Variants in TMX2 observed in about 807,000 individuals in gnomAD.
The protein encoded by TMX2 is thioredoxin-related transmembrane protein 2.
In TMX2, 20 loss-of-function variants were observed where a neutral mutation model predicts 33.4. The ratio of observed to expected loss-of-function variants is 0.60; its 90% CI spans 0.42 to 0.87. The LOEUF is 0.87. Ranked by LOEUF, TMX2 falls within the 40% of genes least tolerant of loss-of-function variation. The probability of loss-of-function intolerance (pLI) is 0.00; values close to 1 mark genes in which losing one functional copy is unlikely to be tolerated. For synonymous variants in TMX2, 166 were observed against 140.7 expected, an observed-to-expected ratio of 1.18 and a Z score of -1.27; for missense variants, 340 against 370.7, an observed-to-expected ratio of 0.92 and a Z score of 0.68.
intron 1 of TMX2, among the ~76,000 whole-genome samples, chr11:57,714,626 C>G (rs1946857841): frequency 6.6e-6 from 1 of 151,928 alleles, no homozygotes; most frequent in African/African-American, 2.4e-5. Context: ...CAAGGTCTTG[C>G]TCTGTCATCC....
chr11:57,740,117 T>C lies in TMX2; in HGVS notation c.763T>C (p.Phe255Leu). 8.7e-6 allele frequency: 14 copies of C among 1,613,956 alleles called. No homozygotes were observed. The highest frequency in any genetic ancestry group is 1.2e-5 in the Non-Finnish European group (14 of 1,179,866). The change falls in exon 8 of 8, where the codon TTT becomes CTT. Residue 255 changes from phenylalanine to leucine, a missense_variant. Coordinates refer to ENST00000278422, the MANE Select transcript of TMX2 (RefSeq NM_015959.4). Reference sequence around the variant, plus strand: ...TGTGCAGGAGAATGTGATCCGAGAATTTAACTTAAATGAGCTATACCAGCG... The same window carrying C: ...TGTGCAGGAGAATGTGATCCGAGAACTTAACTTAAATGAGCTATACCAGCG... The part of the protein sequence containing the change: ...TFSEENVIRE[F>L]NLNELYQRAK...
Position 57,712,594 on chromosome 11 carries a change from A to G in TMX2, c.-25A>G. On this transcript the variant is annotated 5_prime_UTR_variant, in exon 1 of 8. Transcript: ENST00000278422. Reference sequence around the variant, plus strand: ...CGGGGCGAGACCTACGACGCCGGCGAGCAGTGGCCGTTACGGCCGAAAAGA... The same window carrying G: ...CGGGGCGAGACCTACGACGCCGGCGGGCAGTGGCCGTTACGGCCGAAAAGA... The G allele has an allele frequency of 6.3e-7, 1 of 1,581,052 alleles. No individual in the cohort carries two copies. Among genetic ancestry groups the G allele is most frequent in the Non-Finnish European group, 8.6e-7 (1 of 1,159,890 alleles).
At chr11:57,717,190 C>G (rs980305192) in intron 1 of TMX2, among the ~76,000 whole-genome samples, 1 of 151,610 alleles carries the variant, frequency 6.6e-6, no homozygotes, top group Non-Finnish European at 1.5e-5. Flanking sequence ...GGGATGGCGG[C>G]CGGGCAGAGA....
At chr11:57,726,960 G>A (rs1355321741) in intron 1 of TMX2, among the ~76,000 whole-genome samples, 2 of 152,128 alleles carry the variant, frequency 1.3e-5, no homozygotes, top group African/African-American at 4.8e-5. Context: ...TGCATGCAGG[G>A]TTTTTCCTGG....
At chr11:57,725,763 A>C (rs1011054434) in intron 1 of TMX2, among the ~76,000 whole-genome samples, 3 of 151,960 alleles carry the variant, frequency 2.0e-5, no homozygotes, top group African/African-American at 7.2e-5. Context: ...GTCAAGATTA[A>C]ACCCTCCAAA....
intron 1 of TMX2, among the ~76,000 whole-genome samples, chr11:57,726,308 G>A (rs939952458): frequency 6.6e-6 from 1 of 152,038 alleles, no homozygotes; most frequent in Non-Finnish European, 1.5e-5. Context: ...AGCTACTCAG[G>A]AGGCTGAGGT....
At chr11:57,728,087 C>T (rs1420334667) in intron 1 of TMX2, among the ~76,000 whole-genome samples, 2 of 152,216 alleles carry the variant, frequency 1.3e-5, no homozygotes, top group African/African-American at 2.4e-5. Context: ...TTCTCAGGAC[C>T]TCCTGAGGGC....
intron 1 of TMX2, 148 bp from the exon 2 acceptor site, chr11:57,737,460 C>T (rs193252187): frequency 3.0e-6 from 2 of 655,754 alleles, no homozygotes; most frequent in Admixed American, 2.5e-5. Context: ...GATGTTTATC[C>T]CCGTACACCT....
At chr11:57,720,885 G>C (rs1947584116) in intron 1 of TMX2, among the ~76,000 whole-genome samples, 1 of 152,202 alleles carries the variant, frequency 6.6e-6, no homozygotes, top group Non-Finnish European at 1.5e-5. Flanking sequence ...CAAGCAGTTT[G>C]AGTGTACAAA....
At chr11:57,718,159 G>T (rs1947305558) in intron 1 of TMX2, 2 of 1,226,012 alleles carry the variant, frequency 1.6e-6, no homozygotes, top group Non-Finnish European at 2.4e-6. Flanking sequence ...AAGACCACAT[G>T]CTTGCCATCC....
At chr11:57,737,558 G>C in intron 1 of TMX2, 50 bp from the exon 2 acceptor site, 1 of 1,517,244 alleles carries the variant, frequency 6.6e-7, no homozygotes, top group Non-Finnish European at 9.2e-7. Context: ...TCCCACCTAA[G>C]TTAGCTCTAG....
intron 2 of TMX2, 106 bp from the exon 3 acceptor site, chr11:57,737,807 C>G: frequency 6.2e-7 from 1 of 1,605,910 alleles, no homozygotes; most frequent in South Asian, 1.1e-5. Context: ...ACTTGGACTT[C>G]TATCCCCTCC....
rs376990321 is a variant in TMX2, at chr11:57,712,783, C to T, written c.165C>T (p.Asp55=). The change falls in exon 1 of 8, where the codon GAC becomes GAT. Residue 55 remains aspartate, a synonymous_variant. Transcript: ENST00000278422. ...ACGGTCTGCCCACCCAACGCGAAGA[C>T]GGTAACCCGTGTGACTTTGACTGGG... ...LCHGLPTQRE[D]GNPCDFDWRE... The T allele has an allele frequency of 1.2e-6, 2 of 1,613,978 alleles. No individual in the cohort carries two copies. Among genetic ancestry groups the T allele is most frequent in the Non-Finnish European group, 1.7e-6 (2 of 1,180,034 alleles).
chr11:57,717,729 AGAGGGGAGAG>A (rs1947260068), intron 1 of TMX2, among the ~76,000 whole-genome samples: 2 of 58,794 alleles, frequency 3.4e-5, no homozygotes, highest in Non-Finnish European at 5.8e-5. Flanking sequence ...GGGAGAGGGG[AGAGGGGAGAG>A]GGGAGAGGGG....
chr11:57,731,125 G>GTTTTTTTTT (rs757832822), intron 1 of TMX2, among the ~76,000 whole-genome samples: 29 of 85,842 alleles, frequency 3.4e-4, no homozygotes, highest in East Asian at 1.7e-3. Context: ...TTTGTTTTTT[G>GTTTTTTTTT]TTTTTTTTTT....
chr11:57,724,611 TAA>T (rs373663466), intron 1 of TMX2, among the ~76,000 whole-genome samples: 157 of 133,176 alleles, frequency 1.2e-3, no homozygotes, highest in Admixed American at 1.2e-3. Flanking sequence ...GTCTGGGGAT[TAA>T]AAAAAAAAAA....
intron 1 of TMX2, among the ~76,000 whole-genome samples, chr11:57,734,621 G>A (rs944052933): frequency 6.6e-6 from 1 of 151,632 alleles, no homozygotes; most frequent in Non-Finnish European, 1.5e-5. Flanking sequence ...GGGGGCAGGT[G>A]CCTGTAATCC....
chr11:57,725,344 C>T (rs367546335), intron 1 of TMX2, among the ~76,000 whole-genome samples: 6 of 152,184 alleles, frequency 3.9e-5, no homozygotes, highest in Non-Finnish European at 7.3e-5. Flanking sequence ...GACCCTGGAT[C>T]TGTTTCACTG....
At chr11:57,717,351 C>T (rs1426505616) in intron 1 of TMX2, among the ~76,000 whole-genome samples, 3 of 152,060 alleles carry the variant, frequency 2.0e-5, no homozygotes, top group African/African-American at 4.8e-5. Context: ...CCAAGGCAGG[C>T]GGCTGGGAGA....
Sources: gnomAD v4.1 joint callset for allele counts (sites outside exome capture counted in the v4.1 genomes callset) on GRCh38, gnomAD v4.1.1 for gene constraint, MANE v1.5 for transcripts, NCBI Gene and HGNC (gene_info 2026-07-23, HGNC 2026-07-21) for gene names.